Variants in NKAIN2 observed in about 807,000 individuals in gnomAD.
NKAIN2 encodes sodium/potassium-transporting ATPase subunit beta-1-interacting protein 2.
Under a neutral mutation model 32.6 loss-of-function variants are expected in NKAIN2, and 14 were observed. The ratio of observed to expected loss-of-function variants is 0.43; its 90% CI spans 0.28 to 0.67. The LOEUF (loss-of-function observed/expected upper bound fraction) is 0.67, where lower values mean the gene tolerates loss of function less well. NKAIN2 is among the 30% of genes least tolerant of loss of function. NKAIN2 has a pLI of 0.17. For missense variants in NKAIN2, 198 were observed against 258.3 expected (o/e 0.77, Z 1.60); for synonymous variants, 80 against 87.2 (o/e 0.92, Z 0.46).
intron 1 of NKAIN2, among the ~76,000 whole-genome samples, chr6:123,887,577 T>G (rs909600214): frequency 1.3e-5 from 2 of 152,074 alleles, no homozygotes; most frequent in Non-Finnish European, 2.9e-5. Context: ...CACACCCAGT[T>G]TTTGGCACCC....
chr6:123,978,988 G>C lies in NKAIN2; in HGVS notation c.54+174734G>C, dbSNP rs563820662. On this transcript the variant is annotated intron_variant, in intron 1 of 6. Coordinates refer to ENST00000368417, the MANE Select transcript of NKAIN2 (RefSeq NM_001040214.3). ...TGCATTTAAGAAAGGGTTTGAATGTGATCTGAACTGCAACCCTTCCTAAAG... is the reference window on the plus strand; with the variant it reads ...TGCATTTAAGAAAGGGTTTGAATGTCATCTGAACTGCAACCCTTCCTAAAG... 5.3e-5 allele frequency among the ~76,000 whole-genome samples: 8 copies of C among 152,232 alleles called. No individual in the cohort carries two copies. The East Asian group carries it at 7.7e-4, about 15-fold the overall frequency.
At chr6:124,021,238 C>A (rs234462) in intron 1 of NKAIN2, among the ~76,000 whole-genome samples, 53,550 of 151,854 alleles carry the variant, frequency 0.35, 9,734 homozygotes, top group Non-Finnish European at 0.39. Flanking sequence ...CACACGTACA[C>A]ACACGTAACA....
chr6:124,509,719 G>A (rs921862051), intron 3 of NKAIN2, among the ~76,000 whole-genome samples: 1 of 152,198 alleles, frequency 6.6e-6, no homozygotes, highest in East Asian at 1.9e-4. Context: ...GCAAGATGCA[G>A]AACCAGGTGG....
At chr6:123,895,198 G>A (rs866728801) in intron 1 of NKAIN2, among the ~76,000 whole-genome samples, 15 of 149,856 alleles carry the variant, frequency 1.0e-4, no homozygotes, top group African/African-American at 3.7e-4. Context: ...CTCTCACACA[G>A]ACACACACAC....
intron 3 of NKAIN2, among the ~76,000 whole-genome samples, chr6:124,460,591 C>A (rs1174039118): frequency 2.0e-5 from 3 of 151,612 alleles, no homozygotes; most frequent in African/African-American, 7.3e-5. Context: ...GATGATAAAC[C>A]TGCTGTCAAT....
At chr6:123,954,981 G>A (rs544910835) in intron 1 of NKAIN2, among the ~76,000 whole-genome samples, 12 of 152,080 alleles carry the variant, frequency 7.9e-5, no homozygotes, top group African/African-American at 2.7e-4. Flanking sequence ...ACTGAGCTGG[G>A]GGTAAAGCAC....
chr6:124,369,084 C>T lies in NKAIN2; in HGVS notation c.273+13737C>T, dbSNP rs528358558. 2.9e-4 allele frequency among the ~76,000 whole-genome samples: 44 copies of T among 152,128 alleles called. No individual in the cohort carries two copies. The South Asian group carries it at 9.2e-3, about 32-fold the overall frequency. On this transcript the variant is annotated intron_variant, in intron 3 of 6. Transcript: ENST00000368417. ...AAAACATAAGTATAAAAATTAAAAG[C>T]ACAGATAATAACATTCCAAGATAGT...
chr6:124,160,260 A>G (rs1345119676), intron 1 of NKAIN2, among the ~76,000 whole-genome samples: 1 of 152,148 alleles, frequency 6.6e-6, no homozygotes, highest in Non-Finnish European at 1.5e-5. Flanking sequence ...CTCACTAAGC[A>G]CTAACAGCAG....
At chr6:124,325,693 G>A (rs1339402576) in intron 2 of NKAIN2, among the ~76,000 whole-genome samples, 1 of 152,052 alleles carries the variant, frequency 6.6e-6, no homozygotes, top group African/African-American at 2.4e-5. Context: ...GGAAAACTAA[G>A]CTATATTGAC....
intron 3 of NKAIN2, among the ~76,000 whole-genome samples, chr6:124,405,487 G>A (rs1418180395): frequency 6.6e-6 from 1 of 151,220 alleles, no homozygotes; most frequent in Non-Finnish European, 1.5e-5. Flanking sequence ...TATTTAGAAA[G>A]TCTCATGAAT....
rs1481553818 is a variant in NKAIN2, at chr6:123,804,143, G to T, written c.-58G>T. The T allele has an allele frequency of 6.0e-6, 9 of 1,489,614 alleles. No individual in the cohort carries two copies. In the African/African-American group the frequency reaches 1.2e-4, roughly 21 times the overall value. 92.3% of individuals were successfully genotyped at this position (1,489,614 alleles called of 1,614,324 possible). ...TCCCCGCGATCTGATTGGATAAAGT[G>T]GGGGCTCGACGGTGGCCGACGTGGG... On this transcript the variant is annotated 5_prime_UTR_variant, in exon 1 of 7. Coordinates refer to ENST00000368417, the MANE Select transcript of NKAIN2 (RefSeq NM_001040214.3).
chr6:124,318,921 C>G (rs900324917), intron 2 of NKAIN2, among the ~76,000 whole-genome samples: 5 of 152,070 alleles, frequency 3.3e-5, no homozygotes, highest in Non-Finnish European at 7.4e-5. Context: ...CACAAGTGAA[C>G]ATTTCTCCCT....
At chr6:124,284,515 T>G (rs1409254113) in intron 2 of NKAIN2, among the ~76,000 whole-genome samples, 2 of 152,114 alleles carry the variant, frequency 1.3e-5, no homozygotes, top group Non-Finnish European at 2.9e-5. Context: ...CATTCTTTTT[T>G]TATTAGACTT....
At chr6:124,805,700 G>T (rs900384448) in intron 5 of NKAIN2, among the ~76,000 whole-genome samples, 1 of 152,138 alleles carries the variant, frequency 6.6e-6, no homozygotes, top group African/African-American at 2.4e-5. Context: ...CGAGCTACAG[G>T]AGGAAATTCA....
intron 3 of NKAIN2, among the ~76,000 whole-genome samples, chr6:124,411,274 C>A (rs1224994080): frequency 6.8e-6 from 1 of 147,978 alleles, no homozygotes; most frequent in Non-Finnish European, 1.5e-5. Context: ...TTCTTCCTAG[C>A]CTTGATGGTC....
At chr6:124,541,117 A>G (rs947262246) in intron 3 of NKAIN2, among the ~76,000 whole-genome samples, 5 of 151,714 alleles carry the variant, frequency 3.3e-5, no homozygotes, top group Non-Finnish European at 4.4e-5. Flanking sequence ...CCATTTTTAC[A>G]TACACACATA....
chr6:124,340,932 T>TCAATCAAAGGGAATTATTTTTC (rs1798086689), intron 2 of NKAIN2, among the ~76,000 whole-genome samples: 1 of 152,156 alleles, frequency 6.6e-6, no homozygotes, highest in African/African-American at 2.4e-5. Context: ...TATTATTTTT[T>TCAATCAAAGGGAATTATTTTTC]CAATCAAAGG....
intron 1 of NKAIN2, among the ~76,000 whole-genome samples, chr6:124,013,264 T>A (rs973477437): frequency 1.3e-5 from 2 of 152,248 alleles, no homozygotes; most frequent in African/African-American, 4.8e-5. Context: ...CTCTGTACTT[T>A]CTTTCTCTGA....
At chr6:124,354,080 G>T (rs80344087) in intron 2 of NKAIN2, among the ~76,000 whole-genome samples, 1,960 of 152,078 alleles carry the variant, frequency 0.013, 45 homozygotes, top group African/African-American at 0.044. Context: ...TTCCAACCCC[G>T]CATGCTTTTA....
Sources: gnomAD v4.1 joint callset for allele counts (sites outside exome capture counted in the v4.1 genomes callset) on GRCh38, gnomAD v4.1.1 for gene constraint, MANE v1.5 for transcripts, NCBI Gene and HGNC (gene_info 2026-07-23, HGNC 2026-07-21) for gene names.